Variants in SCAPER observed in about 807,000 individuals in gnomAD.
The protein encoded by SCAPER is S-phase cyclin A associated protein in the ER.
In SCAPER, 98 loss-of-function variants were observed where a neutral mutation model predicts 182.2. The observed-to-expected ratio is 0.54, with a 90% CI of 0.46 to 0.64. The LOEUF is 0.64. Ranked by LOEUF, SCAPER falls within the 30% of genes least tolerant of loss-of-function variation. SCAPER has a pLI of 0.00. For synonymous variants in SCAPER, 605 were observed against 564.6 expected, an observed-to-expected ratio of 1.07 and a Z score of -1.01; for missense variants, 1,432 against 1,690.0, an observed-to-expected ratio of 0.85 and a Z score of 2.68.
intron 24 of SCAPER, among the ~76,000 whole-genome samples, chr15:76,498,929 C>T (rs283802): frequency 0.12 from 18,247 of 151,984 alleles, 1,518 homozygotes; most frequent in African/African-American, 0.23. Flanking sequence ...CAGATAAATG[C>T]ATATACTGTA....
intron 24 of SCAPER, among the ~76,000 whole-genome samples, chr15:76,482,839 C>G (rs773227501): frequency 6.6e-6 from 1 of 152,042 alleles, no homozygotes; most frequent in Non-Finnish European, 1.5e-5. Flanking sequence ...CTATAAAACT[C>G]TGATGGATGA....
At position 76,774,942 on chromosome 15, in the gene SCAPER, A is replaced by C; in HGVS notation, c.948T>G (p.Phe316Leu). 1 of 1,613,840 alleles carries C rather than the reference A, an allele frequency of 6.2e-7. No individual in the cohort carries two copies. Among genetic ancestry groups the C allele is most frequent in the Non-Finnish European group, 8.5e-7 (1 of 1,179,774 alleles). Residue 316 changes from phenylalanine to leucine, a missense_variant, in exon 9 of 32, where the codon TTT (phenylalanine) becomes TTG (leucine). This residue lies in a region of SCAPER where 480 missense variants were observed against 510.2 expected (regional missense o/e 0.94). Coordinates refer to ENST00000563290, the MANE Select transcript of SCAPER (RefSeq NM_020843.4). Reference protein sequence around the residue: ...LPDESIQKGQFVGDGTSNTIE... With the variant: ...LPDESIQKGQLVGDGTSNTIE... ...TAGTATTAGAAGTTCCATCTCCAAC[A>C]AATTGACCTTTCTGTATGCTTTCAT...
intron 5 of SCAPER, among the ~76,000 whole-genome samples, chr15:76,810,011 G>T (rs2066469944): frequency 6.6e-6 from 1 of 152,046 alleles, no homozygotes; most frequent in Non-Finnish European, 1.5e-5. Context: ...AGAAAATCTG[G>T]CCTTCAAAAA....
chr15:76,654,810 G>A (rs764123779), intron 21 of SCAPER, among the ~76,000 whole-genome samples: 74 of 152,262 alleles, frequency 4.9e-4, no homozygotes, highest in Middle Eastern at 3.4e-3. Context: ...CTGGTTGCAG[G>A]GGGCCTGAAT....
chr15:76,690,061 TC>T (rs1314280103), intron 20 of SCAPER, among the ~76,000 whole-genome samples: 1 of 151,810 alleles, frequency 6.6e-6, no homozygotes, highest in Non-Finnish European at 1.5e-5. Flanking sequence ...CCCACAGGTA[TC>T]CCAACCCCTT....
chr15:76,577,346 C>T (rs184793704), intron 22 of SCAPER, among the ~76,000 whole-genome samples: 2 of 152,206 alleles, frequency 1.3e-5, no homozygotes, highest in East Asian at 3.9e-4. Flanking sequence ...ACTCAGGAGG[C>T]TGAGGAGGCA....
intron 24 of SCAPER, among the ~76,000 whole-genome samples, chr15:76,490,025 C>CT (rs1429748663): frequency 5.9e-5 from 9 of 152,092 alleles, no homozygotes; most frequent in Admixed American, 5.9e-4. Flanking sequence ...TATACATTTT[C>CT]TTTGTCTACT....
At chr15:76,855,641 A>G (rs557074212) in intron 4 of SCAPER, among the ~76,000 whole-genome samples, 2 of 152,254 alleles carry the variant, frequency 1.3e-5, no homozygotes, top group East Asian at 3.9e-4. Flanking sequence ...AAGAAGTCAT[A>G]CATGCAGCCG....
intron 27 of SCAPER, among the ~76,000 whole-genome samples, chr15:76,384,168 T>C (rs2043146087): frequency 6.6e-6 from 1 of 152,164 alleles, no homozygotes; most frequent in African/African-American, 2.4e-5. Context: ...CAGTGACAAG[T>C]CAGAAGATAT....
intron 5 of SCAPER, among the ~76,000 whole-genome samples, chr15:76,818,345 T>C (rs1015434470): frequency 1.3e-5 from 2 of 152,164 alleles, no homozygotes; most frequent in Non-Finnish European, 2.9e-5. Context: ...ATACAACTCC[T>C]AAAGTATAAC....
At chr15:76,623,555 T>C (rs572415623) in intron 21 of SCAPER, among the ~76,000 whole-genome samples, 2 of 152,304 alleles carry the variant, frequency 1.3e-5, no homozygotes, top group Non-Finnish European at 1.5e-5. Flanking sequence ...CAGATGGCTA[T>C]AGGTGTGCTG....
intron 14 of SCAPER, among the ~76,000 whole-genome samples, chr15:76,763,010 T>A (rs1329851630): frequency 6.6e-6 from 1 of 152,146 alleles, no homozygotes; most frequent in Non-Finnish European, 1.5e-5. Flanking sequence ...ACCCTTACAG[T>A]ATTATGTTAT....
chr15:76,774,925 G>T lies in SCAPER; in HGVS notation c.965C>A (p.Ser322Tyr), dbSNP rs1007330039. The T allele has an allele frequency of 1.1e-5, 17 of 1,613,654 alleles. No individual in the cohort carries two copies. Among genetic ancestry groups the T allele is most frequent in the Admixed American group, 6.7e-5 (4 of 59,982 alleles). ...TTTGGGATGAGATTCTATAGTATTA[G>T]AAGTTCCATCTCCAACAAATTGACC... ...QKGQFVGDGT[S>Y]NTIESHPKDS... The change falls in exon 9 of 32, where the codon TCT becomes TAT. Residue 322 changes from serine (S) to tyrosine (Y), a missense_variant. Transcript: ENST00000563290.
chr15:76,400,004 CAA>C (rs11286576), intron 27 of SCAPER, among the ~76,000 whole-genome samples: 14,895 of 114,640 alleles, frequency 0.13, 828 homozygotes, highest in African/African-American at 0.23. Flanking sequence ...GACTCCGTCT[CAA>C]AAAAAAAAAA....
rs2050628528 is a variant in SCAPER, at chr15:76,608,162, TCTTTGATGATGGTGACGTACAG to T, written c.2711+13580_2711+13601del. ...TCTTTGTGGTTTTATCTACCTTTGGTCTTTGATGATGGTGACGTACAGATGGGTTTTTGGTGTGGATGTTCTT... is the reference window on the plus strand; with the variant it reads ...TCTTTGTGGTTTTATCTACCTTTGGTATGGGTTTTTGGTGTGGATGTTCTT... On this transcript the variant is annotated intron_variant, in intron 22 of 31. Transcript: ENST00000563290. 2.0e-5 allele frequency among the ~76,000 whole-genome samples: 3 copies of T among 152,310 alleles called. No individual in the cohort carries two copies. In the South Asian group the frequency reaches 6.2e-4, roughly 32 times the overall value.
chr15:76,556,695 C>T (rs1378533388), intron 23 of SCAPER, among the ~76,000 whole-genome samples: 1 of 151,774 alleles, frequency 6.6e-6, no homozygotes, highest in African/African-American at 2.4e-5. Context: ...AAAGACTGAA[C>T]AGACCAATAA....
intron 5 of SCAPER, among the ~76,000 whole-genome samples, chr15:76,831,183 A>G (rs998846030): frequency 6.6e-6 from 1 of 152,110 alleles, no homozygotes; most frequent in South Asian, 2.1e-4. Flanking sequence ...CCATACTCCT[A>G]TAGGTAGGGG....
chr15:76,508,319 T>C (rs1207711707), intron 23 of SCAPER, among the ~76,000 whole-genome samples: 1 of 152,176 alleles, frequency 6.6e-6, no homozygotes, highest in East Asian at 1.9e-4. Context: ...TCACTGCTGG[T>C]TGACATTTAG....
At chr15:76,881,327 C>T (rs1207391490) in intron 2 of SCAPER, among the ~76,000 whole-genome samples, 2 of 152,194 alleles carry the variant, frequency 1.3e-5, no homozygotes, top group Non-Finnish European at 2.9e-5. Flanking sequence ...AACTCCTGAC[C>T]TCAAGTGAGC....
Sources: gnomAD v4.1 joint callset for allele counts (sites outside exome capture counted in the v4.1 genomes callset) on GRCh38, gnomAD v4.1.1 for gene constraint, gnomAD v4.1.1 regional missense constraint, MANE v1.5 for transcripts, NCBI Gene and HGNC (gene_info 2026-07-23, HGNC 2026-07-21) for gene names.